GRIK2: variants seen among roughly 807,000 people sequenced by gnomAD.
GRIK2 encodes glutamate receptor ionotropic, kainate 2.
Under a neutral mutation model 100.3 loss-of-function variants are expected in GRIK2, and 32 were observed. That is an observed-to-expected ratio of 0.32 (90% CI 0.24 to 0.43). The LOEUF (loss-of-function observed/expected upper bound fraction) is 0.43, where lower values mean the gene tolerates loss of function less well. GRIK2 is among the 20% of genes least tolerant of loss of function. GRIK2 has a pLI of 1.00. For missense variants in GRIK2, 843 were observed against 1,114.9 expected, an observed-to-expected ratio of 0.76 and a Z score of 3.47; for synonymous variants, 417 against 389.4, an observed-to-expected ratio of 1.07 and a Z score of -0.83.
At chr6:101,883,843 AGAATGATG>A (rs888419250) in intron 11 of GRIK2, among the ~76,000 whole-genome samples, 20 of 152,198 alleles carry the variant, frequency 1.3e-4, no homozygotes, top group African/African-American at 4.8e-4. Flanking sequence ...AAAGACCAGA[AGAATGATG>A]GAACTAATGT....
intron 15 of GRIK2, among the ~76,000 whole-genome samples, chr6:102,051,779 G>A (rs960939776): frequency 3.9e-5 from 6 of 152,098 alleles, no homozygotes; most frequent in African/African-American, 1.4e-4. Flanking sequence ...TTTGAAAATT[G>A]ACTCTAAGTT....
intron 15 of GRIK2, among the ~76,000 whole-genome samples, chr6:102,048,395 GA>G (rs1332780170): frequency 1.3e-5 from 2 of 151,440 alleles, no homozygotes; most frequent in African/African-American, 2.4e-5. Context: ...GCAAAGGAAG[GA>G]AAAAAAATAA....
chr6:101,693,422 A>G (rs1020561936), intron 7 of GRIK2, among the ~76,000 whole-genome samples: 1 of 151,774 alleles, frequency 6.6e-6, no homozygotes, highest in Non-Finnish European at 1.5e-5. Context: ...TTTTATATTT[A>G]AAAATGTAGG....
At chr6:101,428,467 T>C (rs72957644) in intron 2 of GRIK2, among the ~76,000 whole-genome samples, 6,974 of 152,306 alleles carry the variant, frequency 0.046, 170 homozygotes, top group Non-Finnish European at 0.059. Context: ...ACATTTGTGA[T>C]ATAATTTTAA....
chr6:101,960,505 A>T (rs557289828), intron 14 of GRIK2, among the ~76,000 whole-genome samples: 2 of 151,332 alleles, frequency 1.3e-5, no homozygotes, highest in South Asian at 4.2e-4. Context: ...ACTTTTTTAA[A>T]TTTTTTCTCT....
intron 7 of GRIK2, among the ~76,000 whole-genome samples, chr6:101,725,068 A>G (rs1298339527): frequency 5.9e-5 from 9 of 152,044 alleles, no homozygotes; most frequent in African/African-American, 2.2e-4. Flanking sequence ...TGTGAATTCA[A>G]TAAATCTACT....
chr6:101,752,067 T>A (rs961932499), intron 7 of GRIK2, among the ~76,000 whole-genome samples: 12 of 152,208 alleles, frequency 7.9e-5, no homozygotes, highest in Non-Finnish European at 1.6e-4. Flanking sequence ...AAAAAATAAA[T>A]GCTTATTTTC....
chr6:101,599,863 C>T (rs1037090255), intron 2 of GRIK2, among the ~76,000 whole-genome samples: 1 of 151,762 alleles, frequency 6.6e-6, no homozygotes, highest in African/African-American at 2.4e-5. Flanking sequence ...TCTGTTCACT[C>T]TGTTGATAGT....
In GRIK2 at chr6:101,626,492, C is replaced by A. The variant is rs1053399027; in HGVS notation, c.396C>A (p.Thr132=). Residue 132 remains threonine (T), a synonymous_variant, in exon 4 of 17, where the codon ACC becomes ACA. Coordinates refer to ENST00000369134, the MANE Select transcript of GRIK2 (RefSeq NM_021956.5). ...CTCTGGGAGTTCCCCACATACAGACCCGCTGGAAGCACCAGGTGTCAGACA... is the reference window on the plus strand; with the variant it reads ...CTCTGGGAGTTCCCCACATACAGACACGCTGGAAGCACCAGGTGTCAGACA... ...CNALGVPHIQ[T]RWKHQVSDNK... is the part of the protein sequence containing the mutation. The A allele has an allele frequency of 6.2e-7, 1 of 1,613,842 alleles. No homozygotes were observed. Among genetic ancestry groups the A allele is most frequent in the Non-Finnish European group, 8.5e-7 (1 of 1,179,940 alleles).
At chr6:101,539,841 A>C (rs1775899499) in intron 2 of GRIK2, among the ~76,000 whole-genome samples, 1 of 151,786 alleles carries the variant, frequency 6.6e-6, no homozygotes, top group African/African-American at 2.4e-5. Context: ...TGAATTTTCA[A>C]AAAGTGGCAG....
At chr6:101,482,964 G>A (rs1024020634) in intron 2 of GRIK2, among the ~76,000 whole-genome samples, 1 of 152,022 alleles carries the variant, frequency 6.6e-6, no homozygotes, top group Non-Finnish European at 1.5e-5. Flanking sequence ...TTTTTATTTG[G>A]TAGTATTAAT....
At chr6:101,988,116 TGTGTGTGTGTGTGTGTGCGCGCGC>T (rs1179199337) in intron 14 of GRIK2, among the ~76,000 whole-genome samples, 5 of 45,266 alleles carry the variant, frequency 1.1e-4, no homozygotes, top group Admixed American at 1.0e-3. Context: ...TGTGTGTGTG[TGTGTGTGTGTGTGTGTGCGCGCGC>T]GCGCGCGCGC....
intron 14 of GRIK2, among the ~76,000 whole-genome samples, chr6:101,980,476 C>A (rs1793647538): frequency 6.6e-6 from 1 of 151,866 alleles, no homozygotes; most frequent in Non-Finnish European, 1.5e-5. Flanking sequence ...AGTATTATGG[C>A]TAACTTAAGA....
At chr6:101,937,989 G>C (rs545201719) in intron 14 of GRIK2, among the ~76,000 whole-genome samples, 1 of 152,100 alleles carries the variant, frequency 6.6e-6, no homozygotes, top group African/African-American at 2.4e-5. Context: ...AGACTAATTA[G>C]CATCTTTGGT....
Position 101,783,330 on chromosome 6 carries a change from CTCTT to C in GRIK2, c.952-16317_952-16314del, listed in dbSNP as rs374227582. Among the ~76,000 whole-genome samples the C allele has an allele frequency of 7.5e-3, 1,105 of 147,306 alleles. 7 individuals carry two copies. Among genetic ancestry groups the C allele is most frequent in the Non-Finnish European group, 9.8e-3 (665 of 67,746 alleles). On this transcript the variant is annotated intron_variant, in intron 7 of 16. Coordinates refer to ENST00000369134, the MANE Select transcript of GRIK2 (RefSeq NM_021956.5). The stretch of plus-strand genomic sequence containing the variant: ...TCCCATTTGCATGCTCTCTCTCTCT[CTCTT>C]GCCACCATGTAAGACATATCTTGCT...
chr6:101,703,839 A>G (rs1208797521), intron 7 of GRIK2, among the ~76,000 whole-genome samples: 1 of 151,714 alleles, frequency 6.6e-6, no homozygotes, highest in Non-Finnish European at 1.5e-5. Context: ...ATTATAAAAA[A>G]AAAAAGAAGA....
intron 2 of GRIK2, among the ~76,000 whole-genome samples, chr6:101,563,360 T>A (rs139750888): frequency 4.6e-5 from 7 of 152,328 alleles, no homozygotes; most frequent in Admixed American, 3.9e-4. Flanking sequence ...GTTTTAATCA[T>A]AAATGAAAGG....
At chr6:101,978,107 G>A (rs1479048721) in intron 14 of GRIK2, among the ~76,000 whole-genome samples, 2 of 151,868 alleles carry the variant, frequency 1.3e-5, no homozygotes, top group Non-Finnish European at 2.9e-5. Flanking sequence ...TATAGTCAGA[G>A]ACTAAGTCCA....
chr6:101,571,993 C>G (rs1005866450), intron 2 of GRIK2, among the ~76,000 whole-genome samples: 4 of 151,926 alleles, frequency 2.6e-5, no homozygotes, highest in African/African-American at 9.7e-5. Flanking sequence ...ATCTTCAAAC[C>G]AGTGTTCTTA....
Sources: gnomAD v4.1 joint callset for allele counts (sites outside exome capture counted in the v4.1 genomes callset) on GRCh38, gnomAD v4.1.1 for gene constraint, MANE v1.5 for transcripts, NCBI Gene and HGNC (gene_info 2026-07-23, HGNC 2026-07-21) for gene names.